IFT172: variants seen among roughly 807,000 people sequenced by gnomAD.
IFT172 encodes the protein intraflagellar transport 172.
In IFT172, 164 loss-of-function variants were observed where a neutral mutation model predicts 248.9. The observed-to-expected ratio is 0.66, with a 90% confidence interval of 0.58 to 0.75. IFT172 has a LOEUF of 0.75. Ranked by LOEUF, IFT172 falls within the 30% of genes least tolerant of loss-of-function variation. IFT172 has a pLI of 0.00. For missense variants in IFT172, 1,950 were observed against 2,192.4 expected, an observed-to-expected ratio of 0.89 and a Z score of 2.21; for synonymous variants, 729 against 791.6, an observed-to-expected ratio of 0.92 and a Z score of 1.33.
intron 20 of IFT172, 139 bp downstream of exon 20, chr2:27,462,562 T>A (rs1666762731): frequency 9.9e-6 from 7 of 709,006 alleles, no homozygotes; most frequent in Middle Eastern, 2.5e-4. Flanking sequence ...AAATTAACTA[T>A]ATAAACCCCT....
At chr2:27,486,946 C>G (rs546132927) in intron 1 of IFT172, among the ~76,000 whole-genome samples, 2 of 151,836 alleles carry the variant, frequency 1.3e-5, no homozygotes, top group East Asian at 3.9e-4. Flanking sequence ...TTCTAATTTC[C>G]TTCTTTTTTT....
intron 14 of IFT172, among the ~76,000 whole-genome samples, chr2:27,474,712 C>T (rs1396043176): frequency 6.6e-6 from 1 of 152,000 alleles, no homozygotes; most frequent in Non-Finnish European, 1.5e-5. Context: ...CCACCATGCC[C>T]GGCTAATTTT....
At chr2:27,480,218 C>A in intron 8 of IFT172, 69 bp from the exon 9 acceptor site, 4 of 1,517,406 alleles carry the variant, frequency 2.6e-6, no homozygotes, top group South Asian at 2.6e-5. Flanking sequence ...GGCTGATAAC[C>A]AAAGGAAATT....
Position 27,462,636 on chromosome 2 carries a change from G to A in IFT172, c.2115+65C>T, listed in dbSNP as rs761793259. 7 of 1,426,080 alleles carry A rather than the reference G, an allele frequency of 4.9e-6. No homozygotes were observed. The Admixed American group carries it at 1.0e-4, about 21-fold the overall frequency. 88.3% of individuals were successfully genotyped at this position (1,426,080 alleles called of 1,614,324 possible). A position where few individuals can be genotyped will look rare whatever the true frequency, so the allele number is the denominator to read the frequency against. ...CAGCACGCTTTCCTCCCTTGAGTTT[G>A]TACCCCCTTTTCTCTCTTTTTCCCT... On this transcript the variant is annotated intron_variant, in intron 20 of 47. Coordinates refer to ENST00000260570, the MANE Select transcript of IFT172 (RefSeq NM_015662.3).
intron 30 of IFT172, among the ~76,000 whole-genome samples, chr2:27,456,056 A>G (rs1666136195): frequency 6.6e-6 from 1 of 152,010 alleles, no homozygotes; most frequent in African/African-American, 2.4e-5. Flanking sequence ...TACTAAAAAT[A>G]CAAAAATTAG....
chr2:27,461,952 C>G (rs1443353623), intron 20 of IFT172, 116 bp from the exon 21 acceptor site: 1 of 985,642 alleles, frequency 1.0e-6, no homozygotes, highest in Non-Finnish European at 1.6e-6. Flanking sequence ...AGCCTTTTAA[C>G]TACTATACCA....
At chr2:27,475,892 A>G (rs1468533592) in intron 14 of IFT172, among the ~76,000 whole-genome samples, 3 of 151,916 alleles carry the variant, frequency 2.0e-5, no homozygotes, top group Non-Finnish European at 1.5e-5. Flanking sequence ...TCAGCCTCCC[A>G]AAGTGGTGGG....
chr2:27,445,751 A>C lies in IFT172; in HGVS notation c.4908T>G (p.His1636Gln), dbSNP rs201840472. 36 of 1,614,170 alleles carry C rather than the reference A, an allele frequency of 2.2e-5. No homozygotes were observed. In the African/African-American group the frequency reaches 2.5e-4, roughly 11 times the overall value. ...TCCAACCCTGTGCCCTTACCGGTACATGCTGCTTAGCTGGGAGTGGCACCT... is the reference window on the plus strand; with the variant it reads ...TCCAACCCTGTGCCCTTACCGGTACCTGCTGCTTAGCTGGGAGTGGCACCT... ...PFEVPLPAKQ[H>Q]VPEAEREEVR... Residue 1636 changes from histidine to glutamine, a missense_variant, in exon 45 of 48, where the codon CAT (histidine) becomes CAG (glutamine). Coordinates refer to ENST00000260570, the MANE Select transcript of IFT172 (RefSeq NM_015662.3). The surrounding 1 kb of genome is among the most constrained non-coding windows in gnomAD (Gnocchi z 4.4).
chr2:27,477,243 A>G lies in IFT172; in HGVS notation c.1299T>C (p.Thr433=), dbSNP rs1668019807. 3.7e-6 allele frequency: 6 copies of G among 1,614,096 alleles called. No homozygotes were observed. The highest frequency in any genetic ancestry group is 4.2e-6 in the Non-Finnish European group (5 of 1,179,940). The part of the protein sequence containing the change: ...GNNDTLGSVR[T]EFMNPHLISV... Reference sequence around the variant, plus strand: ...TGATGAGGTGGGGGTTCATGAATTCAGTGCGTACAGAACCCAGGGTGTCAT... The same window carrying G: ...TGATGAGGTGGGGGTTCATGAATTCGGTGCGTACAGAACCCAGGGTGTCAT... The change falls in exon 13 of 48, where the codon ACT becomes ACC. Residue 433 remains threonine, a synonymous_variant. Coordinates refer to ENST00000260570, the MANE Select transcript of IFT172 (RefSeq NM_015662.3).
At chr2:27,482,022 C>T (rs998892759) in intron 7 of IFT172, among the ~76,000 whole-genome samples, 1 of 150,778 alleles carries the variant, frequency 6.6e-6, no homozygotes, top group Non-Finnish European at 1.5e-5. Context: ...CTCACTCTGT[C>T]GCCGGGGCTG....
At chr2:27,484,060 C>T (rs890107734) in intron 4 of IFT172, 123 bp from the exon 5 acceptor site, 1 of 1,275,716 alleles carries the variant, frequency 7.8e-7, no homozygotes, top group Non-Finnish European at 1.1e-6. Context: ...CACAGCAGGG[C>T]TCTAAGGAAG....
Position 27,478,086 on chromosome 2 carries a change from T to G in IFT172, c.1076A>C (p.Glu359Ala). ...ACGTTCCTTTCCTAGGATTTTCACCTCTTCCACCTCATAGCCATAGTGTGA... is the reference window on the plus strand; with the variant it reads ...ACGTTCCTTTCCTAGGATTTTCACCGCTTCCACCTCATAGCCATAGTGTGA... ...LKSHYGYEVE[E>A]VKILGKERYL... Residue 359 changes from glutamate (E) to alanine (A), a missense_variant, in exon 11 of 48, where the codon GAG becomes GCG. Around this residue, in one of 3 missense-constraint regions of IFT172, gnomAD observed 1,166 missense variants for 1,254.1 expected, o/e 0.93. Transcript: ENST00000260570. 6.2e-7 allele frequency: 1 copy of G among 1,614,188 alleles called. No homozygotes were observed. The highest frequency in any genetic ancestry group is 8.5e-7 in the Non-Finnish European group (1 of 1,180,032).
chr2:27,479,423 A>G, intron 10 of IFT172, 86 bp downstream of exon 10: 1 of 800,854 alleles, frequency 1.2e-6, no homozygotes. Context: ...AATTTGAACT[A>G]TGGCTGTGGC....
At chr2:27,463,971 T>A (rs968502761) in intron 18 of IFT172, among the ~76,000 whole-genome samples, 1 of 152,150 alleles carries the variant, frequency 6.6e-6, no homozygotes, top group Non-Finnish European at 1.5e-5. Flanking sequence ...AACAGTAAGC[T>A]AATGGAAGGT....
chr2:27,463,062 A>G (rs1400246003), intron 19 of IFT172, 35 bp downstream of exon 19: 3 of 1,602,044 alleles, frequency 1.9e-6, no homozygotes, highest in Non-Finnish European at 2.6e-6. Context: ...TCAGCTTGGG[A>G]GACAGACAGA....
intron 25 of IFT172, chr2:27,459,071 G>T: frequency 1.6e-6 from 1 of 638,300 alleles, no homozygotes. Context: ...GAATCCAAAA[G>T]GGCCTCACAT....
At position 27,451,599 on chromosome 2, in the gene IFT172, T is replaced by TA. The variant is rs1028357050; in HGVS notation, c.3952-1504dup. ...TAACACGGTGAAACCCCGTCTCTAC[T>TA]AAAAAAATACAAAAAAATTAGCCCG... On this transcript the variant is annotated intron_variant, in intron 35 of 47. Transcript: ENST00000260570. Among the ~76,000 whole-genome samples the TA allele has an allele frequency of 3.2e-4, 48 of 151,954 alleles. 1 individual carries two copies. Among genetic ancestry groups the TA allele is most frequent in the African/African-American group, 1.1e-3 (44 of 41,456 alleles).
In IFT172 at chr2:27,445,905, T is replaced by C. The variant is rs1310074366; in HGVS notation, c.4815+24A>G. ...TCGCGACTGGCAAAAACCTCCACCCTCGGGGCACAGCTTCCCTACTCACAT... is the reference window on the plus strand; with the variant it reads ...TCGCGACTGGCAAAAACCTCCACCCCCGGGGCACAGCTTCCCTACTCACAT... On this transcript the variant is annotated intron_variant, in intron 44 of 47. Coordinates refer to ENST00000260570, the MANE Select transcript of IFT172 (RefSeq NM_015662.3). This position sits in a 1 kb window ranked among gnomAD's most constrained non-coding sequence, Gnocchi z 4.4. The C allele has an allele frequency of 5.0e-6, 8 of 1,614,016 alleles. No individual in the cohort carries two copies. Among genetic ancestry groups the C allele is most frequent in the Non-Finnish European group, 6.8e-6 (8 of 1,180,032 alleles).
chr2:27,449,294 C>T lies in IFT172; in HGVS notation c.4311G>A (p.Gln1437=), dbSNP rs1255842609. ...WDKCIETATK[Q]NYKILHKYVA... is the part of the protein sequence containing the mutation. ...ACTGGGAATGGGAAGAGAGCAGTAC[C>T]TGCTTGGTAGCTGTTTCAATGCACT... The change falls in exon 39 of 48, where the codon CAG becomes CAA. Residue 1437 remains glutamine, a splice_region_variant and synonymous_variant. Coordinates refer to ENST00000260570, the MANE Select transcript of IFT172 (RefSeq NM_015662.3). 2 of 1,614,002 alleles carry T rather than the reference C, an allele frequency of 1.2e-6. No homozygotes were observed. Among genetic ancestry groups the T allele is most frequent in the Non-Finnish European group, 1.7e-6 (2 of 1,180,044 alleles).
Sources: allele counts gnomAD v4.1 joint callset (sites outside exome capture counted in the v4.1 genomes callset), GRCh38; gene constraint gnomAD v4.1.1; regional missense constraint gnomAD v4.1.1; non-coding constraint Gnocchi (gnomAD v3.1); transcripts MANE v1.5; gene names NCBI Gene and HGNC (gene_info 2026-07-23, HGNC 2026-07-21).